The following PCDH9 variants were observed in gnomAD, a reference collection of about 807,000 sequenced individuals.
PCDH9 encodes protocadherin 9.
A neutral mutation model predicts 70.6 loss-of-function variants in PCDH9; 24 were observed. The ratio of observed to expected loss-of-function variants is 0.34; its 90% CI spans 0.25 to 0.48. PCDH9 has a LOEUF of 0.48. Among genes scored for constraint, PCDH9 ranks in the 20% least tolerant of loss-of-function variants. The pLI is 0.99. For synonymous variants in PCDH9, 562 were observed against 558.5 expected (o/e 1.01, Z -0.09); for missense variants, 1,281 against 1,503.6 (o/e 0.85, Z 2.45).
chr13:66,776,828 C>T (rs1212526650), intron 3 of PCDH9, among the ~76,000 whole-genome samples: 6 of 138,660 alleles, frequency 4.3e-5, no homozygotes, highest in African/African-American at 1.6e-4. Context: ...CCAAGTCAAT[C>T]CTAAGCCAAA....
chr13:66,738,815 A>T (rs2079203804), intron 3 of PCDH9, among the ~76,000 whole-genome samples: 1 of 151,946 alleles, frequency 6.6e-6, no homozygotes. Context: ...GAAATGAGCA[A>T]AGCCTCCAAG....
At chr13:66,849,854 C>A (rs970717629) in intron 3 of PCDH9, among the ~76,000 whole-genome samples, 1 of 152,046 alleles carries the variant, frequency 6.6e-6, no homozygotes, top group African/African-American at 2.4e-5. Flanking sequence ...TTGCTGAGAA[C>A]GATGACTGAC....
At chr13:66,361,593 G>A (rs748081969) in intron 4 of PCDH9, among the ~76,000 whole-genome samples, 5 of 151,852 alleles carry the variant, frequency 3.3e-5, no homozygotes, top group African/African-American at 9.7e-5. Context: ...ATGAGATTTC[G>A]AAATTGAGCT....
intron 3 of PCDH9, among the ~76,000 whole-genome samples, chr13:66,787,575 C>T (rs2080099716): frequency 6.6e-6 from 1 of 151,702 alleles, no homozygotes; most frequent in South Asian, 2.1e-4. Flanking sequence ...GAGATCACAC[C>T]ACTGCACTCT....
intron 2 of PCDH9, among the ~76,000 whole-genome samples, chr13:67,055,124 T>C (rs2085393206): frequency 6.6e-6 from 1 of 152,218 alleles, no homozygotes; most frequent in South Asian, 2.1e-4. Flanking sequence ...CACTGAACTT[T>C]TTTCATTCTA....
intron 4 of PCDH9, among the ~76,000 whole-genome samples, chr13:66,390,922 G>A (rs961555154): frequency 4.6e-5 from 7 of 152,088 alleles, no homozygotes; most frequent in African/African-American, 1.7e-4. Flanking sequence ...AGTTTTCCCA[G>A]CTGTATGTCT....
chr13:66,517,156 C>G (rs1282238005), intron 4 of PCDH9, among the ~76,000 whole-genome samples: 1 of 151,992 alleles, frequency 6.6e-6, no homozygotes. Flanking sequence ...TATAAAGTTG[C>G]TTTTTCAAGT....
At chr13:66,577,967 T>A (rs897002969) in intron 4 of PCDH9, among the ~76,000 whole-genome samples, 4 of 152,100 alleles carry the variant, frequency 2.6e-5, no homozygotes, top group Non-Finnish European at 4.4e-5. Flanking sequence ...TTCTGGTCCC[T>A]TAATCACAAC....
intron 3 of PCDH9, among the ~76,000 whole-genome samples, chr13:66,764,753 G>T (rs2079684515): frequency 6.6e-6 from 1 of 151,964 alleles, no homozygotes; most frequent in South Asian, 2.1e-4. Flanking sequence ...GCCAAAACAT[G>T]CTTCTACAAC....
chr13:67,003,932 G>A (rs1365626806), intron 2 of PCDH9, among the ~76,000 whole-genome samples: 1 of 152,184 alleles, frequency 6.6e-6, no homozygotes, highest in African/African-American at 2.4e-5. Context: ...GCAGATGGAT[G>A]TGCCCGTTCC....
At chr13:67,152,644 T>G (rs1426461156) in intron 2 of PCDH9, among the ~76,000 whole-genome samples, 2 of 152,152 alleles carry the variant, frequency 1.3e-5, no homozygotes, top group African/African-American at 4.8e-5. Context: ...TTCAAAGGCG[T>G]GATGTCTCAT....
At chr13:66,821,502 C>T (rs1186686428) in intron 3 of PCDH9, among the ~76,000 whole-genome samples, 1 of 152,110 alleles carries the variant, frequency 6.6e-6, no homozygotes, top group Non-Finnish European at 1.5e-5. Context: ...AACATATCTC[C>T]TACCAAGTAC....
intron 3 of PCDH9, among the ~76,000 whole-genome samples, chr13:66,681,969 T>TATATATATATATATG (rs1184051895): frequency 1.9e-5 from 1 of 52,472 alleles, no homozygotes; most frequent in East Asian, 4.2e-4. Context: ...ATATATATAT[T>TATATATATATATATG]TGAGAGATTT....
At chr13:66,466,548 A>G (rs1958516848) in intron 4 of PCDH9, among the ~76,000 whole-genome samples, 1 of 151,990 alleles carries the variant, frequency 6.6e-6, no homozygotes, top group Non-Finnish European at 1.5e-5. Context: ...GTGCTTTTTC[A>G]TGTGCATTTC....
At chr13:67,035,141 A>G (rs181055006) in intron 2 of PCDH9, among the ~76,000 whole-genome samples, 43 of 152,268 alleles carry the variant, frequency 2.8e-4, no homozygotes, top group African/African-American at 9.9e-4. Flanking sequence ...AATTTGCTCA[A>G]TCATATTATA....
chr13:67,033,428 G>A (rs1172963361), intron 2 of PCDH9, among the ~76,000 whole-genome samples: 5 of 152,140 alleles, frequency 3.3e-5, no homozygotes, highest in Admixed American at 2.6e-4. Flanking sequence ...AGACAAAAGG[G>A]AAGTTTTCTT....
chr13:66,796,733 A>C (rs1013631599), intron 3 of PCDH9, among the ~76,000 whole-genome samples: 1 of 152,190 alleles, frequency 6.6e-6, no homozygotes, highest in Non-Finnish European at 1.5e-5. Flanking sequence ...TCTTGCCTTC[A>C]AGAAGCACAA....
At chr13:66,986,115 T>C (rs970795968) in intron 2 of PCDH9, among the ~76,000 whole-genome samples, 1 of 151,874 alleles carries the variant, frequency 6.6e-6, no homozygotes, top group Non-Finnish European at 1.5e-5. Flanking sequence ...ATAATCATGG[T>C]GGAAGGGGAA....
chr13:66,334,728 T>G (rs1253507772), intron 4 of PCDH9, among the ~76,000 whole-genome samples: 1 of 152,096 alleles, frequency 6.6e-6, no homozygotes, highest in African/African-American at 2.4e-5. Context: ...TTAACTTACT[T>G]TTCATGCTTA....
Sources: allele counts gnomAD v4.1 joint callset (sites outside exome capture counted in the v4.1 genomes callset), GRCh38; gene constraint gnomAD v4.1.1; transcripts MANE v1.5; gene names NCBI Gene and HGNC (gene_info 2026-07-23, HGNC 2026-07-21).